Variants in PTPRD observed in about 807,000 individuals in gnomAD.
The protein encoded by PTPRD is receptor-type tyrosine-protein phosphatase delta.
PTPRD carries 34 observed loss-of-function variants against 214.5 expected under a neutral mutation model. The ratio of observed to expected loss-of-function variants is 0.16; its 90% CI spans 0.12 to 0.21. The LOEUF (loss-of-function observed/expected upper bound fraction) is 0.21, where lower values mean the gene tolerates loss of function less well. Ranked by LOEUF, PTPRD falls within the 10% of genes least tolerant of loss-of-function variation. The pLI, the probability that PTPRD is intolerant of heterozygous loss-of-function variation, is 1.00. For synonymous variants in PTPRD, 1,128 were observed against 845.7 expected (o/e 1.33, Z -5.79); for missense variants, 2,545 against 2,398.7 (o/e 1.06, Z -1.27).
chr9:10,195,445 T>C (rs2099394196), intron 3 of PTPRD, among the ~76,000 whole-genome samples: 1 of 152,146 alleles, frequency 6.6e-6, no homozygotes, highest in Non-Finnish European at 1.5e-5. Context: ...TCCATGTGAC[T>C]GTTTTCTGGC....
At chr9:9,661,775 G>C (rs940143480) in intron 7 of PTPRD, among the ~76,000 whole-genome samples, 4 of 151,708 alleles carry the variant, frequency 2.6e-5, no homozygotes, top group Non-Finnish European at 5.9e-5. Context: ...GGAAGAAAGA[G>C]AAGGAAAAAG....
At chr9:8,832,762 T>A (rs533048305) in intron 11 of PTPRD, among the ~76,000 whole-genome samples, 42 of 151,158 alleles carry the variant, frequency 2.8e-4, no homozygotes, top group Admixed American at 5.3e-4. Context: ...ATTCAATATT[T>A]CTCTAAATTG....
chr9:10,186,171 C>T (rs760445118), intron 3 of PTPRD, among the ~76,000 whole-genome samples: 4 of 151,848 alleles, frequency 2.6e-5, no homozygotes, highest in African/African-American at 7.3e-5. Flanking sequence ...ATTGGATCAA[C>T]GTTTTTGATT....
chr9:10,516,600 T>C (rs777106860), intron 2 of PTPRD, among the ~76,000 whole-genome samples: 16 of 151,980 alleles, frequency 1.1e-4, no homozygotes, highest in Non-Finnish European at 2.2e-4. Context: ...GTTTATTTTC[T>C]CTTAATTTGC....
chr9:10,140,577 G>T (rs9644842), intron 3 of PTPRD, among the ~76,000 whole-genome samples: 34,498 of 151,712 alleles, frequency 0.23, 4,124 homozygotes, highest in South Asian at 0.39. Context: ...AATAGACCAA[G>T]AACAGGAGCT....
At chr9:9,189,737 AT>A (rs1569560487) in intron 9 of PTPRD, among the ~76,000 whole-genome samples, 1 of 152,086 alleles carries the variant, frequency 6.6e-6, no homozygotes, top group Non-Finnish European at 1.5e-5. Flanking sequence ...TTTGAAATGA[AT>A]AAACAAATCA....
intron 5 of PTPRD, among the ~76,000 whole-genome samples, chr9:9,919,889 G>A (rs1430561525): frequency 6.6e-6 from 1 of 152,028 alleles, no homozygotes; most frequent in African/African-American, 2.4e-5. Context: ...GGATATAATA[G>A]GACTTCAGGA....
chr9:9,616,716 G>T (rs1005007619), intron 7 of PTPRD, among the ~76,000 whole-genome samples: 1 of 152,032 alleles, frequency 6.6e-6, no homozygotes, highest in South Asian at 2.1e-4. Flanking sequence ...GAAAACTCAC[G>T]AATTATCCAC....
At chr9:9,816,212 C>A (rs947773466) in intron 5 of PTPRD, among the ~76,000 whole-genome samples, 2 of 152,054 alleles carry the variant, frequency 1.3e-5, no homozygotes, top group African/African-American at 4.8e-5. Flanking sequence ...AGACAATTTT[C>A]ATGTTTAAAG....
chr9:8,597,813 G>C (rs1159083788), intron 14 of PTPRD, among the ~76,000 whole-genome samples: 2 of 151,964 alleles, frequency 1.3e-5, no homozygotes, highest in South Asian at 2.1e-4. Context: ...ACTCAGATTT[G>C]TTTTTTCACT....
At chr9:9,799,297 T>C (rs935784025) in intron 5 of PTPRD, 1 of 152,144 alleles carries the variant, frequency 6.6e-6, no homozygotes, top group African/African-American at 2.4e-5. Flanking sequence ...AGAGCAATTA[T>C]AGAATGTAGC....
chr9:8,676,125 T>C (rs2097408552), intron 12 of PTPRD, among the ~76,000 whole-genome samples: 1 of 152,196 alleles, frequency 6.6e-6, no homozygotes, highest in South Asian at 2.1e-4. Flanking sequence ...AATACTTTTT[T>C]GTATATTAAG....
chr9:8,645,496 AT>A (rs1464839499), intron 12 of PTPRD, among the ~76,000 whole-genome samples: 2 of 152,168 alleles, frequency 1.3e-5, no homozygotes, highest in Admixed American at 6.5e-5. Flanking sequence ...TATACCATTA[AT>A]TTTATTTAGG....
Position 9,384,343 on chromosome 9 carries a change from C to CTTTTTTTTTTTTT in PTPRD, c.-203+13093_-203+13105dup, listed in dbSNP as rs869246078. Among the ~76,000 whole-genome samples the CTTTTTTTTTTTTT allele has an allele frequency of 1.5e-4, 5 of 33,318 alleles. 2 individuals are homozygous for CTTTTTTTTTTTTT. Among genetic ancestry groups the CTTTTTTTTTTTTT allele is most frequent in the Admixed American group, 8.3e-4 (2 of 2,418 alleles). 21.9% of individuals were successfully genotyped at this position (33,318 alleles called of 152,430 possible). A position where few individuals can be genotyped will look rare whatever the true frequency, so the allele number is the denominator to read the frequency against. On this transcript the variant is annotated intron_variant, in intron 9 of 45. Coordinates refer to ENST00000381196, the MANE Select transcript of PTPRD (RefSeq NM_002839.4). The stretch of plus-strand genomic sequence containing the variant: ...GATGATATTTGAGCAGAAGACTAGG[C>CTTTTTTTTTTTTT]TTTTTTTTTTTTTTTTTTTTTTTTT...
chr9:9,090,558 G>A (rs1020545638), intron 10 of PTPRD, among the ~76,000 whole-genome samples: 2 of 152,046 alleles, frequency 1.3e-5, no homozygotes, highest in Non-Finnish European at 2.9e-5. Context: ...ATATGTCAGC[G>A]TTATTAGGTC....
chr9:10,428,789 T>C (rs1284335284), intron 2 of PTPRD, among the ~76,000 whole-genome samples: 3 of 152,146 alleles, frequency 2.0e-5, no homozygotes, highest in Admixed American at 6.6e-5. Flanking sequence ...GAGGGGAATA[T>C]AGACAAAACA....
chr9:8,579,100 T>C (rs1445554689), intron 14 of PTPRD, among the ~76,000 whole-genome samples: 1 of 152,218 alleles, frequency 6.6e-6, no homozygotes, highest in Non-Finnish European at 1.5e-5. Context: ...TAATAAATCA[T>C]AGCAAAGAAA....
intron 12 of PTPRD, among the ~76,000 whole-genome samples, chr9:8,684,800 G>A (rs1395315970): frequency 6.6e-6 from 1 of 152,000 alleles, no homozygotes; most frequent in South Asian, 2.1e-4. Flanking sequence ...GTGCTTCTAC[G>A]AATTATAATT....
rs117129733 is a variant in PTPRD at position 9,329,844 on chromosome 9, A to T, written c.-203+67605T>A. ...GGTTCCATTAGCTGTTAAGATTTAA[A>T]TACAATTTTTGAACACAATCATTCA... is the stretch of plus-strand genomic sequence containing the variant. On this transcript the variant is annotated intron_variant, in intron 9 of 45. Transcript: ENST00000381196. Among the ~76,000 whole-genome samples the T allele has an allele frequency of 6.4e-4, 98 of 152,336 alleles. 1 individual carries two copies. In the East Asian group the frequency reaches 0.017, roughly 26 times the overall value.
Sources: allele counts gnomAD v4.1 joint callset (sites outside exome capture counted in the v4.1 genomes callset), GRCh38; gene constraint gnomAD v4.1.1; transcripts MANE v1.5; gene names NCBI Gene and HGNC (gene_info 2026-07-23, HGNC 2026-07-21).